The following SUGCT variants were observed in gnomAD, a reference collection of about 807,000 sequenced individuals.
SUGCT encodes the protein succinyl-CoA:glutarate-CoA transferase, also known as succinyl-CoA:glutarate CoA-transferase.
SUGCT carries 41 observed loss-of-function variants against 55.0 expected under a neutral mutation model. That is an observed-to-expected ratio of 0.74 (90% confidence interval 0.58 to 0.97). The LOEUF is 0.97. Among genes scored for constraint, SUGCT ranks in the 50% least tolerant of loss-of-function variants. SUGCT has a pLI of 0.00. For missense variants in SUGCT, 568 were observed against 547.8 expected (o/e 1.04, Z -0.37); for synonymous variants, 187 against 200.4 (o/e 0.93, Z 0.56).
At chr7:40,523,272 T>A (rs1293399000) in intron 12 of SUGCT, among the ~76,000 whole-genome samples, 3 of 152,100 alleles carry the variant, frequency 2.0e-5, no homozygotes, top group Admixed American at 2.0e-4. Context: ...GCATTTATGA[T>A]ATCTAAAGAT....
At chr7:40,737,957 G>A (rs1191704151) in intron 12 of SUGCT, among the ~76,000 whole-genome samples, 1 of 151,522 alleles carries the variant, frequency 6.6e-6, no homozygotes, top group Non-Finnish European at 1.5e-5. Context: ...GGGCGCAGAG[G>A]CTCATGCCTA....
intron 13 of SUGCT, among the ~76,000 whole-genome samples, chr7:40,851,319 TG>T (rs1210474189): frequency 1.4e-5 from 2 of 141,674 alleles, no homozygotes; most frequent in Admixed American, 7.2e-5. Context: ...CATTTGTAAA[TG>T]TAAAAAAAAA....
intron 13 of SUGCT, among the ~76,000 whole-genome samples, chr7:40,773,518 G>C (rs1453517723): frequency 6.6e-6 from 1 of 152,032 alleles, no homozygotes; most frequent in Non-Finnish European, 1.5e-5. Flanking sequence ...TCTGCTCTAG[G>C]CTCAAAAACA....
intron 6 of SUGCT, among the ~76,000 whole-genome samples, chr7:40,214,206 C>T (rs1038626935): frequency 1.3e-5 from 2 of 152,108 alleles, no homozygotes; most frequent in African/African-American, 2.4e-5. Flanking sequence ...TTCTTATAAC[C>T]GTTGCCCTGC....
the SUGCT span, among the ~76,000 whole-genome samples, chr7:40,892,976 G>T: frequency 6.6e-6 from 1 of 152,112 alleles, no homozygotes; most frequent in Admixed American, 6.5e-5. Context: ...AATAGAAAAA[G>T]ATATTTTGTG....
At chr7:40,846,385 AAAAC>A (rs1563044665) in intron 13 of SUGCT, among the ~76,000 whole-genome samples, 2 of 151,968 alleles carry the variant, frequency 1.3e-5, no homozygotes, top group Non-Finnish European at 2.9e-5. Context: ...AAAAAAAAAA[AAAAC>A]AGTCAGGAGA....
chr7:40,165,444 C>T (rs1339268398), intron 1 of SUGCT, among the ~76,000 whole-genome samples: 1 of 152,114 alleles, frequency 6.6e-6, no homozygotes, highest in African/African-American at 2.4e-5. Flanking sequence ...GAATTGATGG[C>T]AGCTTCATTA....
chr7:40,202,464 T>C (rs565848608), intron 6 of SUGCT, among the ~76,000 whole-genome samples: 4 of 152,312 alleles, frequency 2.6e-5, no homozygotes, highest in East Asian at 3.9e-4. Flanking sequence ...TGTATGCACA[T>C]GCATGCATGT....
intron 12 of SUGCT, among the ~76,000 whole-genome samples, chr7:40,604,664 T>C (rs574976277): frequency 1.4e-4 from 22 of 152,296 alleles, no homozygotes; most frequent in Admixed American, 1.2e-3. Context: ...CCTTATTCAC[T>C]TACAGAAAGA....
chr7:40,154,506 T>A (rs1022085354), intron 1 of SUGCT, among the ~76,000 whole-genome samples: 1 of 152,168 alleles, frequency 6.6e-6, no homozygotes, highest in African/African-American at 2.4e-5. Context: ...ACTTTTTTTT[T>A]AATATTATAG....
Position 40,161,205 on chromosome 7 carries a change from T to C in SUGCT, c.101-19742T>C, listed in dbSNP as rs141504711. Among the ~76,000 whole-genome samples, 24 of 152,344 alleles carry C rather than the reference T, an allele frequency of 1.6e-4. 2 individuals are homozygous for C. Among genetic ancestry groups the C allele is most frequent in the Admixed American group, 1.6e-3 (24 of 15,298 alleles). Reference sequence around the variant, plus strand: ...TAAACTTCTCTCCAGACATTTCTCTTGCTCTTCAGAGTTGCTCACTGGAAG... The same window carrying C: ...TAAACTTCTCTCCAGACATTTCTCTCGCTCTTCAGAGTTGCTCACTGGAAG... On this transcript the variant is annotated intron_variant, in intron 1 of 13. Coordinates refer to ENST00000335693, the MANE Select transcript of SUGCT (RefSeq NM_001193313.2).
At chr7:40,162,785 C>T (rs1784241685) in intron 1 of SUGCT, among the ~76,000 whole-genome samples, 1 of 152,190 alleles carries the variant, frequency 6.6e-6, no homozygotes, top group Non-Finnish European at 1.5e-5. Context: ...CCTCGCCCAG[C>T]CCTTAGGGAA....
intron 11 of SUGCT, among the ~76,000 whole-genome samples, chr7:40,492,974 GTAATAA>G (rs1791776453): frequency 6.6e-6 from 1 of 152,292 alleles, no homozygotes; most frequent in South Asian, 2.1e-4. Flanking sequence ...GTGTATCAAT[GTAATAA>G]TATATACTGA....
Position 40,456,883 on chromosome 7 carries a change from G to A in SUGCT, c.889-2218G>A, listed in dbSNP as rs773897754. Reference sequence around the variant, plus strand: ...GCATGGTAACAGGTGATGTTAGAGAGGTAATAGCGCCATATTGTGTAGAAC... The same window carrying A: ...GCATGGTAACAGGTGATGTTAGAGAAGTAATAGCGCCATATTGTGTAGAAC... On this transcript the variant is annotated intron_variant, in intron 10 of 13. Coordinates refer to ENST00000335693, the MANE Select transcript of SUGCT (RefSeq NM_001193313.2). Among the ~76,000 whole-genome samples, 141 of 152,114 alleles carry A rather than the reference G, an allele frequency of 9.3e-4. 6 individuals are homozygous for A. The highest frequency in any genetic ancestry group is 3.1e-4 in the Non-Finnish European group (21 of 68,018).
downstream of SUGCT, among the ~76,000 whole-genome samples, chr7:40,863,988 C>T (rs1159545011): frequency 6.6e-6 from 1 of 152,094 alleles, no homozygotes; most frequent in Non-Finnish European, 1.5e-5. Context: ...ATCACAGAGG[C>T]TCTTATATTG....
At chr7:40,333,728 A>G (rs1472774204) in intron 9 of SUGCT, among the ~76,000 whole-genome samples, 2 of 129,566 alleles carry the variant, frequency 1.5e-5, no homozygotes, top group Non-Finnish European at 1.6e-5. Context: ...ACACACATAT[A>G]TATAATTTAG....
the SUGCT span, among the ~76,000 whole-genome samples, chr7:41,037,628 A>G: frequency 6.6e-6 from 1 of 152,170 alleles, no homozygotes; most frequent in African/African-American, 2.4e-5. Context: ...TTGCAATTCC[A>G]GAGGCCTTCT....
intron 12 of SUGCT, among the ~76,000 whole-genome samples, chr7:40,528,000 A>C (rs1345235801): frequency 6.6e-6 from 1 of 152,178 alleles, no homozygotes; most frequent in Non-Finnish European, 1.5e-5. Context: ...GATAGATATA[A>C]GTACAACAGG....
At chr7:40,382,667 T>C (rs1374092784) in intron 9 of SUGCT, among the ~76,000 whole-genome samples, 1 of 152,222 alleles carries the variant, frequency 6.6e-6, no homozygotes, top group African/African-American at 2.4e-5. Flanking sequence ...GTATTTGTGT[T>C]AAATAGCAAG....
Sources: allele counts gnomAD v4.1 joint callset (sites outside exome capture counted in the v4.1 genomes callset), GRCh38; gene constraint gnomAD v4.1.1; transcripts MANE v1.5; gene names NCBI Gene and HGNC (gene_info 2026-07-23, HGNC 2026-07-21).